The following CACNA2D1 variants were observed in gnomAD, a reference collection of about 807,000 sequenced individuals.
The protein encoded by CACNA2D1 is calcium voltage-gated channel auxiliary subunit alpha2delta 1, also known as voltage-dependent calcium channel subunit alpha-2/delta-1.
CACNA2D1 carries 53 observed loss-of-function variants against 171.5 expected under a neutral mutation model. The ratio of observed to expected loss-of-function variants is 0.31; its 90% CI spans 0.25 to 0.39. CACNA2D1 has a LOEUF of 0.39. CACNA2D1 is among the 10% of genes least tolerant of loss of function. CACNA2D1 has a pLI of 1.00. For synonymous variants in CACNA2D1, 442 were observed against 443.1 expected, an observed-to-expected ratio of 1.00 and a Z score of 0.03; for missense variants, 903 against 1,299.8, an observed-to-expected ratio of 0.69 and a Z score of 4.69.
At chr7:82,049,361 C>A (rs1804939117) in intron 10 of CACNA2D1, among the ~76,000 whole-genome samples, 1 of 152,026 alleles carries the variant, frequency 6.6e-6, no homozygotes, top group African/African-American at 2.4e-5. Context: ...TGTTTTAAGA[C>A]CTCCTCCCAT....
intron 11 of CACNA2D1, among the ~76,000 whole-genome samples, chr7:82,037,322 T>G (rs1165557832): frequency 6.6e-6 from 1 of 151,968 alleles, no homozygotes; most frequent in African/African-American, 2.4e-5. Context: ...CTACTAAAAA[T>G]ACAAAAATTA....
At chr7:82,288,302 G>A (rs1000498005) in intron 3 of CACNA2D1, among the ~76,000 whole-genome samples, 3 of 151,874 alleles carry the variant, frequency 2.0e-5, no homozygotes, top group Non-Finnish European at 2.9e-5. Context: ...TCCTCTAAAA[G>A]TTATATTATG....
At chr7:82,078,900 G>T (rs761821658) in intron 7 of CACNA2D1, among the ~76,000 whole-genome samples, 2 of 151,178 alleles carry the variant, frequency 1.3e-5, no homozygotes, top group Non-Finnish European at 2.9e-5. Flanking sequence ...AGAGGGTGGA[G>T]AAAGAGGAAA....
chr7:82,119,973 G>C (rs1325305386), intron 5 of CACNA2D1, among the ~76,000 whole-genome samples: 1 of 152,140 alleles, frequency 6.6e-6, no homozygotes, highest in East Asian at 1.9e-4. Context: ...CTTCAGGCCA[G>C]GAGTTCAAGA....
intron 6 of CACNA2D1, among the ~76,000 whole-genome samples, chr7:82,092,458 C>T (rs763530219): frequency 5.9e-5 from 9 of 151,752 alleles, no homozygotes; most frequent in South Asian, 2.1e-4. Flanking sequence ...TGCCAAGCTC[C>T]GCCTCCCGGG....
chr7:82,258,463 A>G (rs1481246291), intron 3 of CACNA2D1, among the ~76,000 whole-genome samples: 2 of 152,176 alleles, frequency 1.3e-5, no homozygotes, highest in Non-Finnish European at 2.9e-5. Flanking sequence ...TGGCAGGTCC[A>G]TCATCTGAGC....
chr7:82,364,748 G>A (rs1173785584), intron 1 of CACNA2D1, among the ~76,000 whole-genome samples: 11 of 152,152 alleles, frequency 7.2e-5, no homozygotes. Flanking sequence ...AAACTTCTCT[G>A]TCAGGACTGT....
At chr7:82,335,303 T>C (rs1166700792) in intron 2 of CACNA2D1, 52 bp from the exon 3 acceptor site, 1 of 1,027,330 alleles carries the variant, frequency 9.7e-7, no homozygotes, top group Non-Finnish European at 1.5e-6. Flanking sequence ...TTATTTGGCT[T>C]ACAAGTTCCC....
At chr7:82,175,999 A>G (rs1038441392) in intron 3 of CACNA2D1, among the ~76,000 whole-genome samples, 2 of 152,034 alleles carry the variant, frequency 1.3e-5, no homozygotes, top group African/African-American at 4.8e-5. Flanking sequence ...GCTCTGGTCT[A>G]TAAAACCATA....
intron 1 of CACNA2D1, among the ~76,000 whole-genome samples, chr7:82,405,327 A>G (rs1826905812): frequency 6.6e-6 from 1 of 152,208 alleles, no homozygotes; most frequent in Non-Finnish European, 1.5e-5. Flanking sequence ...GTCTTTTACT[A>G]ATAAAAGGAC....
intron 6 of CACNA2D1, among the ~76,000 whole-genome samples, chr7:82,100,415 G>C (rs1812534978): frequency 6.6e-6 from 1 of 151,902 alleles, no homozygotes; most frequent in Admixed American, 6.6e-5. Flanking sequence ...ATCATTCACA[G>C]GTATTATTAG....
At chr7:82,386,759 T>TAAAG (rs1200424564) in intron 1 of CACNA2D1, among the ~76,000 whole-genome samples, 80 of 149,616 alleles carry the variant, frequency 5.3e-4, no homozygotes, top group African/African-American at 1.9e-3. Flanking sequence ...AATAAATAAA[T>TAAAG]AAATAAATAA....
In CACNA2D1 at chr7:82,083,974, C is replaced by T. The variant is rs894337758; in HGVS notation, c.658+795G>A. On this transcript the variant is annotated intron_variant, in intron 7 of 38. Transcript: ENST00000356860. ...ACTGTAGCAATTTAAAGCCAAATTA[C>T]CTAGCACGTATCCCATAACTCAGAT... Among the ~76,000 whole-genome samples the T allele has an allele frequency of 3.7e-4, 57 of 152,088 alleles. 1 individual carries two copies. Among genetic ancestry groups the T allele is most frequent in the Admixed American group, 2.6e-4 (4 of 15,286 alleles).
chr7:82,397,408 T>C (rs1487004220), intron 1 of CACNA2D1, among the ~76,000 whole-genome samples: 2 of 152,184 alleles, frequency 1.3e-5, no homozygotes, highest in African/African-American at 4.8e-5. Context: ...ATTCTTTTGG[T>C]CCTTCGTTTT....
chr7:82,271,682 C>A (rs1469476464), intron 3 of CACNA2D1, among the ~76,000 whole-genome samples: 2 of 151,986 alleles, frequency 1.3e-5, no homozygotes, highest in African/African-American at 4.8e-5. Flanking sequence ...AAAAAATAAG[C>A]TTTAGATGCA....
At chr7:82,386,033 G>C (rs1025466729) in intron 1 of CACNA2D1, among the ~76,000 whole-genome samples, 1 of 152,042 alleles carries the variant, frequency 6.6e-6, no homozygotes, top group Non-Finnish European at 1.5e-5. Flanking sequence ...AAACGCATTA[G>C]AAATGACTGA....
chr7:82,297,656 C>G (rs1233613588), intron 3 of CACNA2D1, among the ~76,000 whole-genome samples: 2 of 152,080 alleles, frequency 1.3e-5, no homozygotes, highest in Non-Finnish European at 2.9e-5. Context: ...CTGAGATCAC[C>G]TTTAGCCTTT....
At chr7:82,064,445 G>A in intron 8 of CACNA2D1, 91 bp from the exon 9 acceptor site, 1 of 955,736 alleles carries the variant, frequency 1.0e-6, no homozygotes. Flanking sequence ...CTGAGACAAG[G>A]TTTTTTTCCC....
intron 24 of CACNA2D1, among the ~76,000 whole-genome samples, chr7:81,978,753 G>GTGCATGTGTA (rs145105210): frequency 5.0e-5 from 7 of 139,478 alleles, no homozygotes; most frequent in South Asian, 2.2e-4. Flanking sequence ...TTTAAAAAGT[G>GTGCATGTGTA]TATATATATA....
Sources: gnomAD v4.1 joint callset for allele counts (sites outside exome capture counted in the v4.1 genomes callset) on GRCh38, gnomAD v4.1.1 for gene constraint, MANE v1.5 for transcripts, NCBI Gene and HGNC (gene_info 2026-07-23, HGNC 2026-07-21) for gene names.